PHF20: variants seen among roughly 807,000 people sequenced by gnomAD.
PHF20 encodes the protein glioma-expressed antigen 2.
Under a neutral mutation model 113.5 loss-of-function variants are expected in PHF20, and 23 were observed. The observed-to-expected ratio is 0.20, with a 90% confidence interval of 0.15 to 0.29. PHF20 has a LOEUF of 0.29. Ranked by LOEUF, PHF20 falls within the 10% of genes least tolerant of loss-of-function variation. PHF20 has a pLI of 1.00. For synonymous variants in PHF20, 434 were observed against 457.3 expected (o/e 0.95, Z 0.65); for missense variants, 943 against 1,219.6 (o/e 0.77, Z 3.38).
At chr20:35,910,969 C>T (rs776262323) in intron 10 of PHF20, among the ~76,000 whole-genome samples, 8 of 151,906 alleles carry the variant, frequency 5.3e-5, no homozygotes, top group African/African-American at 1.7e-4. Context: ...TCCTGCAGTG[C>T]GCACTTGTTT....
chr20:35,918,630 G>A (rs1448357925), intron 13 of PHF20, among the ~76,000 whole-genome samples: 1 of 152,204 alleles, frequency 6.6e-6, no homozygotes, highest in Non-Finnish European at 1.5e-5. Context: ...CTTAGTCCCA[G>A]TTCTAAATTT....
At chr20:35,837,937 G>C (rs117405253) in intron 2 of PHF20, among the ~76,000 whole-genome samples, 100 of 152,332 alleles carry the variant, frequency 6.6e-4, no homozygotes, top group Non-Finnish European at 1.1e-3. Flanking sequence ...TCACACTTTA[G>C]GGAAGTGGGG....
intron 2 of PHF20, among the ~76,000 whole-genome samples, chr20:35,841,231 A>G (rs1231098329): frequency 6.6e-6 from 1 of 151,898 alleles, no homozygotes; most frequent in African/African-American, 2.4e-5. Flanking sequence ...TGTAGTCTCA[A>G]CTACTTGGGA....
intron 2 of PHF20, among the ~76,000 whole-genome samples, chr20:35,813,712 G>T (rs1347678814): frequency 6.6e-6 from 1 of 152,068 alleles, no homozygotes; most frequent in Admixed American, 6.6e-5. Context: ...ACAAAAATTA[G>T]CCAGGCGTGG....
rs1644051652 is a variant in PHF20, at chr20:35,948,194, C to CT, written c.*569dup. The CT allele has an allele frequency of 6.5e-6, 1 of 153,682 alleles. No individual in the cohort carries two copies. Among genetic ancestry groups the CT allele is most frequent in the African/African-American group, 2.4e-5 (1 of 41,442 alleles). The allele number at this position is 153,682 out of a possible 1,614,324, so 9.5% of individuals were successfully genotyped here. A position where few individuals can be genotyped will look rare whatever the true frequency, so the allele number is the denominator to read the frequency against. Reference sequence around the variant, plus strand: ...ACTCTTCACTTTTCTCACCACATCTCTTGCATGACTTCATGGTACTGGGGA... The same window carrying CT: ...ACTCTTCACTTTTCTCACCACATCTCTTTGCATGACTTCATGGTACTGGGGA... On this transcript the variant is annotated 3_prime_UTR_variant, in exon 18 of 18. Coordinates refer to ENST00000374012, the MANE Select transcript of PHF20 (RefSeq NM_016436.5).
At chr20:35,888,968 G>A (rs1022697886) in intron 9 of PHF20, among the ~76,000 whole-genome samples, 1 of 150,886 alleles carries the variant, frequency 6.6e-6, no homozygotes, top group African/African-American at 2.4e-5. Flanking sequence ...GTAGACTTTG[G>A]CCCAGCAGGC....
In PHF20 at chr20:35,858,473, A is replaced by G. The variant is rs2425178; in HGVS notation, c.420+92A>G. On this transcript the variant is annotated intron_variant, in intron 5 of 17. Coordinates refer to ENST00000374012, the MANE Select transcript of PHF20 (RefSeq NM_016436.5). ...TAAAGACATTACATTTGTTTATGATAGCAAGTGTTTATTTCCTCCATCTGA... is the reference window on the plus strand; with the variant it reads ...TAAAGACATTACATTTGTTTATGATGGCAAGTGTTTATTTCCTCCATCTGA... 0.21 allele frequency: 140,010 copies of G among 664,856 alleles called. 17,494 individuals are homozygous for G. Among genetic ancestry groups the G allele is most frequent in the African/African-American group, 0.41 (22,239 of 54,672 alleles). 41.2% of individuals were successfully genotyped at this position (664,856 alleles called of 1,614,324 possible).
At chr20:35,846,523 G>A (rs1030852742) in intron 3 of PHF20, among the ~76,000 whole-genome samples, 2 of 152,152 alleles carry the variant, frequency 1.3e-5, no homozygotes, top group African/African-American at 4.8e-5. Flanking sequence ...AAATATTAAA[G>A]GTGAATGGTT....
chr20:35,887,463 C>G (rs1276992202), intron 9 of PHF20, among the ~76,000 whole-genome samples: 1 of 152,296 alleles, frequency 6.6e-6, no homozygotes, highest in East Asian at 1.9e-4. Context: ...TCTAGACTGT[C>G]AGACTGAGGG....
intron 9 of PHF20, among the ~76,000 whole-genome samples, chr20:35,873,466 G>GTTTTTTTTTTTT (rs759056358): frequency 1.9e-4 from 16 of 82,356 alleles, no homozygotes; most frequent in Non-Finnish European, 2.6e-4. Flanking sequence ...CTGTTTTTTT[G>GTTTTTTTTTTTT]TTTTTTTTTT....
At chr20:35,900,036 A>T (rs75260007) in intron 10 of PHF20, among the ~76,000 whole-genome samples, 2,870 of 152,278 alleles carry the variant, frequency 0.019, 92 homozygotes, top group African/African-American at 0.066. Context: ...CACGATAACC[A>T]AAAGGTGATA....
intron 4 of PHF20, among the ~76,000 whole-genome samples, chr20:35,854,631 C>T (rs2042796102): frequency 6.6e-6 from 1 of 152,148 alleles, no homozygotes; most frequent in Non-Finnish European, 1.5e-5. Flanking sequence ...CTTTGTAGTC[C>T]TTTGGAAGTT....
At chr20:35,780,304 C>T (rs1282883971) in intron 1 of PHF20, among the ~76,000 whole-genome samples, 2 of 149,158 alleles carry the variant, frequency 1.3e-5, no homozygotes, top group South Asian at 2.1e-4. Flanking sequence ...CAGCTCACTG[C>T]AAGCTCCGCC....
At chr20:35,883,881 C>A (rs556792157) in intron 9 of PHF20, among the ~76,000 whole-genome samples, 2 of 152,144 alleles carry the variant, frequency 1.3e-5, no homozygotes, top group Non-Finnish European at 2.9e-5. Context: ...CTTCTGCTCT[C>A]GGGGCACTCA....
chr20:35,777,590 A>C (rs2041200557), intron 1 of PHF20, among the ~76,000 whole-genome samples: 1 of 152,186 alleles, frequency 6.6e-6, no homozygotes, highest in Non-Finnish European at 1.5e-5. Flanking sequence ...CCAGAGTGGG[A>C]GGATTGCTTG....
At chr20:35,800,747 G>C (rs896422901) in intron 1 of PHF20, among the ~76,000 whole-genome samples, 1 of 152,160 alleles carries the variant, frequency 6.6e-6, no homozygotes, top group African/African-American at 2.4e-5. Context: ...CTCAGCCTGG[G>C]TAAAAGAGTA....
intron 9 of PHF20, among the ~76,000 whole-genome samples, chr20:35,885,406 A>G (rs77235215): frequency 0.049 from 7,302 of 147,666 alleles, 230 homozygotes; most frequent in African/African-American, 0.1. Context: ...TGTCTTCTTT[A>G]ATCTGAAACA....
chr20:35,824,432 C>A (rs1054421925), intron 2 of PHF20, among the ~76,000 whole-genome samples: 14 of 151,896 alleles, frequency 9.2e-5, no homozygotes, highest in African/African-American at 2.9e-4. Flanking sequence ...CATGGTGAAA[C>A]CCTGTCTCTA....
chr20:35,831,299 A>C (rs563537886), intron 2 of PHF20, among the ~76,000 whole-genome samples: 1 of 152,208 alleles, frequency 6.6e-6, no homozygotes, highest in African/African-American at 2.4e-5. Context: ...AACTGGGACT[A>C]CAGGCATGCA....
Sources: allele counts gnomAD v4.1 joint callset (sites outside exome capture counted in the v4.1 genomes callset), GRCh38; gene constraint gnomAD v4.1.1; transcripts MANE v1.5; gene names NCBI Gene and HGNC (gene_info 2026-07-23, HGNC 2026-07-21).